Variants in SH3GL1 observed in about 807,000 individuals in gnomAD.
The protein encoded by SH3GL1 is SH3 domain containing GRB2 like 1, endophilin A2, also known as endophilin-A2.
A neutral mutation model predicts 48.8 loss-of-function variants in SH3GL1; 21 were observed. The ratio of observed to expected loss-of-function variants is 0.43; its 90% CI spans 0.30 to 0.62. SH3GL1 has a LOEUF of 0.62. Ranked by LOEUF, SH3GL1 falls within the 20% of genes least tolerant of loss-of-function variation. SH3GL1 has a pLI of 0.11. For synonymous variants in SH3GL1, 282 were observed against 217.5 expected, an observed-to-expected ratio of 1.30 and a Z score of -2.61; for missense variants, 454 against 503.0, an observed-to-expected ratio of 0.90 and a Z score of 0.93.
At chr19:4,373,230 C>T (rs915758496) in intron 1 of SH3GL1, among the ~76,000 whole-genome samples, 3 of 152,194 alleles carry the variant, frequency 2.0e-5, no homozygotes, top group African/African-American at 7.2e-5. Context: ...AAACCCACTC[C>T]CCAGCCCAAG....
Position 4,389,180 on chromosome 19 carries a change from A to G in SH3GL1, c.45+11144T>C, listed in dbSNP as rs1973290273. Among the ~76,000 whole-genome samples the G allele has an allele frequency of 6.6e-6, 1 of 152,194 alleles. No homozygotes were observed. Among genetic ancestry groups the G allele is most frequent in the East Asian group, 1.9e-4 (1 of 5,198 alleles). ...CCTCATCAGCAGGCCAGTGCCCAGC[A>G]GAACATGGCCCATCACACATGCCCG... is the stretch of plus-strand genomic sequence containing the variant. On this transcript the variant is annotated intron_variant, in intron 1 of 9. Transcript: ENST00000269886. The surrounding 1 kb of genome is among the most constrained non-coding windows in gnomAD (Gnocchi z 4.5).
chr19:4,368,084 C>G lies in SH3GL1; in HGVS notation c.46-1090G>C, dbSNP rs180918891. ...CATCGGCAAATTTAACATCCCGGGT[C>G]TGATCACTTGTGTGAAGACGTGCAC... On this transcript the variant is annotated intron_variant, in intron 1 of 9. Transcript: ENST00000269886. Among the ~76,000 whole-genome samples the G allele has an allele frequency of 8.2e-4, 125 of 152,348 alleles. 1 individual carries two copies. The highest frequency in any genetic ancestry group is 2.3e-3 in the African/African-American group (95 of 41,588).
intron 1 of SH3GL1, among the ~76,000 whole-genome samples, chr19:4,368,970 G>T (rs529810704): frequency 4.5e-4 from 69 of 152,328 alleles, no homozygotes; most frequent in African/African-American, 1.6e-3. Context: ...TACTCGGGAG[G>T]CTGAGGTAGG....
intron 1 of SH3GL1, among the ~76,000 whole-genome samples, chr19:4,387,002 T>C (rs1027071146): frequency 6.6e-6 from 1 of 152,044 alleles, no homozygotes; most frequent in South Asian, 2.1e-4. Context: ...AGTGGTGCAA[T>C]CTTGGCTCAC....
At chr19:4,380,727 A>G (rs1973104477) in intron 1 of SH3GL1, among the ~76,000 whole-genome samples, 1 of 152,162 alleles carries the variant, frequency 6.6e-6, no homozygotes, top group Non-Finnish European at 1.5e-5. Flanking sequence ...GGGCAATAGC[A>G]TGTTCTGTGT....
chr19:4,384,770 G>A (rs537917914), intron 1 of SH3GL1, among the ~76,000 whole-genome samples: 6 of 152,288 alleles, frequency 3.9e-5, no homozygotes, highest in South Asian at 2.1e-4. Flanking sequence ...GTGGAGCCTC[G>A]TGTGTCAGTG....
intron 4 of SH3GL1, chr19:4,364,549 G>A (rs1972718175): frequency 5.8e-6 from 2 of 344,900 alleles, no homozygotes; most frequent in South Asian, 2.6e-5. Context: ...TCCTGTCTCA[G>A]CCTCCTGAGT....
chr19:4,367,372 C>G lies in SH3GL1; in HGVS notation c.46-378G>C, dbSNP rs1221254272. Among the ~76,000 whole-genome samples the G allele has an allele frequency of 2.6e-5, 4 of 152,154 alleles. No homozygotes were observed. The highest frequency in any genetic ancestry group is 9.7e-5 in the African/African-American group (4 of 41,436). On this transcript the variant is annotated intron_variant, in intron 1 of 9. Transcript: ENST00000269886. This position sits in a 1 kb window ranked among gnomAD's most constrained non-coding sequence, Gnocchi z 4.2. Reference sequence around the variant, plus strand: ...AGAAGCGCCTACACAAACATCCCCACAGATAGCAATGTGGGGATCTGCCCC... The same window carrying G: ...AGAAGCGCCTACACAAACATCCCCAGAGATAGCAATGTGGGGATCTGCCCC...
At chr19:4,363,541 G>A in intron 6 of SH3GL1, 68 bp from the exon 7 acceptor site, 1 of 1,518,816 alleles carries the variant, frequency 6.6e-7, no homozygotes, top group Non-Finnish European at 9.1e-7. Flanking sequence ...TGACTCCCGA[G>A]GTGAAGCCAC....
chr19:4,377,062 C>T (rs955067190), intron 1 of SH3GL1, among the ~76,000 whole-genome samples: 5 of 152,200 alleles, frequency 3.3e-5, no homozygotes, highest in Non-Finnish European at 2.9e-5. Context: ...TGATGGAGGC[C>T]GCCAGGCCCA....
Position 4,365,640 on chromosome 19 carries a change from C to G in SH3GL1, c.188-15G>C, listed in dbSNP as rs1972760345. The G allele has an allele frequency of 6.2e-7, 1 of 1,613,296 alleles. No individual in the cohort carries two copies. The highest frequency in any genetic ancestry group is 1.3e-5 in the African/African-American group (1 of 74,938). On this transcript the variant is annotated splice_polypyrimidine_tract_variant and intron_variant, in intron 3 of 9. Transcript: ENST00000269886. ...AGCCCGCGAGGCTGGGATAGGATGG[C>G]CAGGTGGGTGTGGGCTGTGAGGCCT...
Position 4,363,418 on chromosome 19 carries a change from C to A in SH3GL1, c.680G>T (p.Arg227Leu). The A allele has an allele frequency of 6.2e-7, 1 of 1,612,350 alleles. No homozygotes were observed. Among genetic ancestry groups the A allele is most frequent in the South Asian group, 1.1e-5 (1 of 90,844 alleles). ...ALVDAQLDYH[R>L]QAVQILDELA... ...CTCGTCCAGGATCTGCACGGCCTGC[C>A]GGTGGTAGTCCAGCTGTGCATCCAC... Residue 227 changes from arginine to leucine, a missense_variant, in exon 7 of 10, where the codon CGG (arginine) becomes CTG (leucine). Arg to Leu is a moderately radical substitution (Grantham distance 102, BLOSUM62 -2). This residue lies in a region of SH3GL1 where 278 missense variants were observed against 246.8 expected (regional missense o/e 1.13). Coordinates refer to ENST00000269886, the MANE Select transcript of SH3GL1 (RefSeq NM_003025.4).
chr19:4,379,017 G>A (rs1020334793), intron 1 of SH3GL1, among the ~76,000 whole-genome samples: 6 of 152,244 alleles, frequency 3.9e-5, no homozygotes, highest in Non-Finnish European at 7.3e-5. Context: ...GATCGTGCAC[G>A]AAATCTCATG....
chr19:4,361,716 C>T lies in SH3GL1; in HGVS notation c.991G>A (p.Asp331Asn), dbSNP rs747601449. ...NDGELGFHEG[D>N]VITLTNQIDE... ...ATCTGGTTGGTCAGCGTGATGACGTCGCCCTCATGGAAGCCCAGCTCCCCG... is the reference window on the plus strand; with the variant it reads ...ATCTGGTTGGTCAGCGTGATGACGTTGCCCTCATGGAAGCCCAGCTCCCCG... The change falls in exon 10 of 10, where the codon GAC (aspartate) becomes AAC (asparagine). Residue 331 changes from aspartate to asparagine, a missense_variant. Transcript: ENST00000269886. 12 of 1,613,252 alleles carry T rather than the reference C, an allele frequency of 7.4e-6. No homozygotes were observed. Among genetic ancestry groups the T allele is most frequent in the Non-Finnish European group, 1.0e-5 (12 of 1,179,812 alleles).
At chr19:4,391,000 A>T (rs550081189) in intron 1 of SH3GL1, among the ~76,000 whole-genome samples, 41 of 152,360 alleles carry the variant, frequency 2.7e-4, no homozygotes, top group African/African-American at 9.6e-4. Flanking sequence ...AAAAGGGCTA[A>T]GGCAGCAGTG....
intron 1 of SH3GL1, among the ~76,000 whole-genome samples, chr19:4,388,752 G>A (rs991938618): frequency 1.3e-5 from 2 of 152,244 alleles, no homozygotes; most frequent in Non-Finnish European, 2.9e-5. Context: ...CCTCGATCAA[G>A]GGGGGAAGCA....
rs2144917034 is a variant in SH3GL1, at chr19:4,389,474, C to T, written c.45+10850G>A. ...GGAGGCAGGAGAGTACAGGGCCCCA[C>T]ACAGGGTGGGCGGGAGGGACTGACT... On this transcript the variant is annotated intron_variant, in intron 1 of 9. Coordinates refer to ENST00000269886, the MANE Select transcript of SH3GL1 (RefSeq NM_003025.4). The surrounding 1 kb of genome is among the most constrained non-coding windows in gnomAD (Gnocchi z 4.5). 6.6e-6 allele frequency among the ~76,000 whole-genome samples: 1 copy of T among 151,360 alleles called. No individual in the cohort carries two copies. Among genetic ancestry groups the T allele is most frequent in the East Asian group, 2.0e-4 (1 of 5,128 alleles).
rs1403642233 is a variant in SH3GL1 at position 4,360,451 on chromosome 19, G to A, written c.*1149C>T. On this transcript the variant is annotated 3_prime_UTR_variant, in exon 10 of 10. Coordinates refer to ENST00000269886, the MANE Select transcript of SH3GL1 (RefSeq NM_003025.4). ...TGCCCTGGACCGTGCCCAAAGCTGT[G>A]TGCTCATCTCTGCGCCCCTCATGTA... 1.3e-5 allele frequency: 3 copies of A among 237,100 alleles called. No individual in the cohort carries two copies. Among genetic ancestry groups the A allele is most frequent in the Non-Finnish European group, 2.5e-5 (3 of 120,578 alleles). The allele number at this position is 237,100 out of a possible 1,614,324, so 14.7% of individuals were successfully genotyped here.
intron 1 of SH3GL1, among the ~76,000 whole-genome samples, chr19:4,381,551 GTCCCCCTGCCTCTCTCTGT>G (rs1450356418): frequency 1.3e-4 from 8 of 60,934 alleles, no homozygotes; most frequent in East Asian, 4.9e-4. Context: ...TCCCGTCTCT[GTCCCCCTGCCTCTCTCTGT>G]TCCCCCTGCC....
Sources: allele counts gnomAD v4.1 joint callset (sites outside exome capture counted in the v4.1 genomes callset), GRCh38; gene constraint gnomAD v4.1.1; regional missense constraint gnomAD v4.1.1; non-coding constraint Gnocchi (gnomAD v3.1); transcripts MANE v1.5; gene names NCBI Gene and HGNC (gene_info 2026-07-23, HGNC 2026-07-21).